Variants in PRRC2A observed in about 807,000 individuals in gnomAD.
PRRC2A encodes proline rich coiled-coil 2A, also known as protein PRRC2A.
PRRC2A carries 59 observed loss-of-function variants against 224.6 expected under a neutral mutation model. The observed-to-expected ratio is 0.26, with a 90% confidence interval of 0.21 to 0.33. PRRC2A has a LOEUF of 0.33. Ranked by LOEUF, PRRC2A falls within the 10% of genes least tolerant of loss-of-function variation. The pLI is 1.00. For missense variants in PRRC2A, 3,095 were observed against 2,880.7 expected (o/e 1.07, Z -1.70); for synonymous variants, 1,194 against 1,109.5 (o/e 1.08, Z -1.51).
In PRRC2A at chr6:31,631,954, A is replaced by T; in HGVS notation, c.3281A>T (p.Tyr1094Phe). 6.2e-7 allele frequency: 1 copy of T among 1,612,784 alleles called. No individual in the cohort carries two copies. The highest frequency in any genetic ancestry group is 8.5e-7 in the Non-Finnish European group (1 of 1,179,890). ...GAGACACGGAGCGAGGGTTCAGAGT[A>T]TGAGGAAATCCCCAAGCGGCGCCGG... The part of the protein sequence containing the change: ...ASETRSEGSE[Y>F]EEIPKRRRQR... The change falls in exon 16 of 31, where the codon TAT becomes TTT. Residue 1094 changes from tyrosine to phenylalanine, a missense_variant. Tyr to Phe is a conservative substitution (Grantham distance 22). Around this residue, in one of 8 missense-constraint regions of PRRC2A, gnomAD observed 2,001 missense variants for 1,764.9 expected, o/e 1.13. Transcript: ENST00000376033. This position sits in a 1 kb window ranked among gnomAD's most constrained non-coding sequence, Gnocchi z 4.5.
intron 16 of PRRC2A, 146 bp from the exon 17 acceptor site, chr6:31,633,233 T>C (rs1776887118): frequency 1.6e-6 from 2 of 1,219,286 alleles, no homozygotes; most frequent in Non-Finnish European, 2.3e-6. Flanking sequence ...TGTGCATCTG[T>C]ATGCATAGGA....
Position 31,625,400 on chromosome 6 carries a change from C to A in PRRC2A, c.608-60C>A. On this transcript the variant is annotated intron_variant, in intron 6 of 30. Transcript: ENST00000376033. This position sits in a 1 kb window ranked among gnomAD's most constrained non-coding sequence, Gnocchi z 4.1. Reference sequence around the variant, plus strand: ...TATTCACCTTCCTCCCCATCACTTTCAGCTGTGTTCACTTGTCCTCCAATC... The same window carrying A: ...TATTCACCTTCCTCCCCATCACTTTAAGCTGTGTTCACTTGTCCTCCAATC... The A allele has an allele frequency of 6.2e-7, 1 of 1,611,424 alleles. No homozygotes were observed. Among genetic ancestry groups the A allele is most frequent in the Non-Finnish European group, 8.5e-7 (1 of 1,177,500 alleles).
chr6:31,625,178 G>A lies in PRRC2A; in HGVS notation c.471G>A (p.Arg157=). The A allele has an allele frequency of 6.2e-7, 1 of 1,612,340 alleles. No individual in the cohort carries two copies. Among genetic ancestry groups the A allele is most frequent in the African/African-American group, 1.3e-5 (1 of 75,032 alleles). Residue 157 remains arginine (R), a synonymous_variant, in exon 6 of 31, where the codon AGG becomes AGA. Coordinates refer to ENST00000376033, the MANE Select transcript of PRRC2A (RefSeq NM_004638.4). This position sits in a 1 kb window ranked among gnomAD's most constrained non-coding sequence, Gnocchi z 4.1. The part of the protein sequence containing the change: ...VTHGAHGDGG[R]ASSLLSRFSR... ...GCATCCCCATCCTAATAGGTGGAAG[G>A]GCATCAAGCCTACTGTCACGATTCT...
chr6:31,621,407 T>C (rs1029497883), intron 1 of PRRC2A, among the ~76,000 whole-genome samples: 5 of 152,228 alleles, frequency 3.3e-5, no homozygotes, highest in Non-Finnish European at 7.3e-5. Context: ...CTTTTTCATT[T>C]TTCCTGTTCC....
rs777393015 is a variant in PRRC2A, at chr6:31,622,803, C to T, written c.14C>T (p.Ser5Leu). The T allele has an allele frequency of 1.4e-5, 23 of 1,613,600 alleles. No homozygotes were observed. Among genetic ancestry groups the T allele is most frequent in the East Asian group, 2.2e-5 (1 of 44,906 alleles). Reference sequence around the variant, plus strand: ...GCTTCCAGCGCAATGTCCGATCGCTCGGGGCCGACTGCCAAGGGAAAGGAT... The same window carrying T: ...GCTTCCAGCGCAATGTCCGATCGCTTGGGGCCGACTGCCAAGGGAAAGGAT... MSDR[S>L]GPTAKGKDGK... Residue 5 changes from serine to leucine, a missense_variant, in exon 2 of 31, where the codon TCG becomes TTG. By Grantham distance (145) the Ser-to-Leu change is moderately radical. Transcript: ENST00000376033.
chr6:31,621,236 C>G (rs1339066464), intron 1 of PRRC2A, among the ~76,000 whole-genome samples: 1 of 151,980 alleles, frequency 6.6e-6, no homozygotes, highest in Admixed American at 6.6e-5. Flanking sequence ...CGACGGTTCT[C>G]TCGGAAGGGC....
Position 31,636,929 on chromosome 6 carries a change from G to C in PRRC2A, c.6131G>C (p.Ser2044Thr). Residue 2044 changes from serine (S) to threonine (T), a missense_variant, in exon 28 of 31, where the codon AGC (serine) becomes ACC (threonine). Ser to Thr is a moderately conservative substitution (Grantham distance 58). Coordinates refer to ENST00000376033, the MANE Select transcript of PRRC2A (RefSeq NM_004638.4). The surrounding 1 kb of genome is among the most constrained non-coding windows in gnomAD (Gnocchi z 4.3). ...LPSPARPFPASLGRAELHPVE... is the reference protein window; with the variant it reads ...LPSPARPFPATLGRAELHPVE... Reference sequence around the variant, plus strand: ...TCACCTGCCAGGCCCTTCCCCGCTAGCTTGGGGCGAGCAGAGGTAAGGTAC... The same window carrying C: ...TCACCTGCCAGGCCCTTCCCCGCTACCTTGGGGCGAGCAGAGGTAAGGTAC... The C allele has an allele frequency of 6.2e-7, 1 of 1,612,970 alleles. No individual in the cohort carries two copies. Among genetic ancestry groups the C allele is most frequent in the Non-Finnish European group, 8.5e-7 (1 of 1,179,958 alleles).
At chr6:31,633,237 C>A in intron 16 of PRRC2A, 142 bp from the exon 17 acceptor site, 1 of 1,250,090 alleles carries the variant, frequency 8.0e-7, no homozygotes, top group Non-Finnish European at 1.1e-6. Context: ...CATCTGTATG[C>A]ATAGGAATCC....
Position 31,623,842 on chromosome 6 carries a change from A to G in PRRC2A, c.223A>G (p.Asn75Asp), listed in dbSNP as rs1393670113. The G allele has an allele frequency of 6.2e-7, 1 of 1,614,202 alleles. No homozygotes were observed. The change falls in exon 3 of 31, where the codon AAT (asparagine) becomes GAT (aspartate). Residue 75 changes from asparagine (N) to aspartate (D), a missense_variant. Transcript: ENST00000376033. ...LKAENKGNDP[N>D]VSLVPKDGTG... ...AGCCGAGAACAAAGGCAATGACCCC[A>G]ATGTCTCACTAGTGCCAAAAGACGG...
At position 31,637,278 on chromosome 6, in the gene PRRC2A, C is replaced by T; in HGVS notation, c.6287C>T (p.Thr2096Ile). The change falls in exon 30 of 31, where the codon ACC becomes ATC. Residue 2096 changes from threonine (T) to isoleucine (I), a missense_variant. Coordinates refer to ENST00000376033, the MANE Select transcript of PRRC2A (RefSeq NM_004638.4). ...TCCCGTCTCAAGGCCACGCCTTCCA[C>T]CTACAGTGGAGTCTTCCGCACCCAG... ...LNSRLKATPSTYSGVFRTQRV... is the reference protein window; with the variant it reads ...LNSRLKATPSIYSGVFRTQRV... 1.9e-6 allele frequency: 3 copies of T among 1,612,734 alleles called. No individual in the cohort carries two copies. The highest frequency in any genetic ancestry group is 2.5e-6 in the Non-Finnish European group (3 of 1,179,696).
rs1175386623 is a variant in PRRC2A at position 31,633,446 on chromosome 6, T to G, written c.4387T>G (p.Phe1463Val). The G allele has an allele frequency of 1.2e-6, 2 of 1,612,968 alleles. No individual in the cohort carries two copies. The highest frequency in any genetic ancestry group is 1.7e-6 in the Non-Finnish European group (2 of 1,180,028). Residue 1463 changes from phenylalanine (F) to valine (V), a missense_variant, in exon 17 of 31, where the codon TTC becomes GTC. Phe to Val is a conservative substitution (Grantham distance 50, BLOSUM62 -1). This residue lies in a region of PRRC2A where 2,001 missense variants were observed against 1,764.9 expected (regional missense o/e 1.13). Transcript: ENST00000376033. ...PPPPPSSSAV[F>V]RLDQVIHSNP... ...CCCACCTCCCAGCAGTTCTGCTGTC[T>G]TCCGCCTGGACCAAGTTATCCACAG...
At position 31,630,697 on chromosome 6, in the gene PRRC2A, A is replaced by C; in HGVS notation, c.2361A>C (p.Pro787=). 1 of 1,614,128 alleles carries C rather than the reference A, an allele frequency of 6.2e-7. No homozygotes were observed. The highest frequency in any genetic ancestry group is 8.5e-7 in the Non-Finnish European group (1 of 1,180,014). ...AACGGGGCACTCCACCGGTGGATCC[A>C]AAGTTGGCCTGGGTAGGAGATGTCT... is the stretch of plus-strand genomic sequence containing the variant. The part of the protein sequence containing the change: ...LRERGTPPVD[P]KLAWVGDVFT... The change falls in exon 15 of 31, where the codon CCA becomes CCC. Residue 787 remains proline, a synonymous_variant. Coordinates refer to ENST00000376033, the MANE Select transcript of PRRC2A (RefSeq NM_004638.4).
At chr6:31,624,871 T>G in intron 5 of PRRC2A, 1 of 513,664 alleles carries the variant, frequency 1.9e-6, no homozygotes, top group Non-Finnish European at 3.5e-6. Context: ...CAATCTCGGC[T>G]CACTGCAACC....
chr6:31,635,883 C>T, intron 24 of PRRC2A, 84 bp from the exon 25 acceptor site: 1 of 1,454,040 alleles, frequency 6.9e-7, no homozygotes, highest in Non-Finnish European at 9.3e-7. Flanking sequence ...TTTCTCCCTA[C>T]TTTTTGCTTC....
Position 31,633,924 on chromosome 6 carries a change from G to A in PRRC2A, c.4654G>A (p.Gly1552Arg), listed in dbSNP as rs773338283. 23 of 1,588,848 alleles carry A rather than the reference G, an allele frequency of 1.4e-5. No homozygotes were observed. Among genetic ancestry groups the A allele is most frequent in the African/African-American group, 5.5e-5 (4 of 73,048 alleles). Residue 1552 changes from glycine to arginine, a missense_variant, in exon 18 of 31, where the codon GGG becomes AGG. Around this residue, in one of 8 missense-constraint regions of PRRC2A, gnomAD observed 2,001 missense variants for 1,764.9 expected, o/e 1.13. Coordinates refer to ENST00000376033, the MANE Select transcript of PRRC2A (RefSeq NM_004638.4). ...GVGGTPRDSA[G>R]VSPFPPKRRE... ...GGGTGGGACTCCTCGGGACTCTGCC[G>A]GGGTTAGTCCCTTTCCCCCTAAACG...
chr6:31,632,294 G>A lies in PRRC2A; in HGVS notation c.3621G>A (p.Glu1207=), dbSNP rs1237838654. 2 of 1,613,146 alleles carry A rather than the reference G, an allele frequency of 1.2e-6. No individual in the cohort carries two copies. Among genetic ancestry groups the A allele is most frequent in the East Asian group, 2.2e-5 (1 of 44,866 alleles). ...CAGGCCCTTTGCCACCAAGTAAGGA[G>A]CCTTTGAAAGAGAAGTTGATCCCAG... ...PPTGPLPPSK[E]PLKEKLIPGP... is the part of the protein sequence containing the mutation. Residue 1207 remains glutamate, a synonymous_variant, in exon 16 of 31, where the codon GAG becomes GAA. Coordinates refer to ENST00000376033, the MANE Select transcript of PRRC2A (RefSeq NM_004638.4).
chr6:31,623,974 G>T, intron 3 of PRRC2A, 65 bp downstream of exon 3: 1 of 1,576,826 alleles, frequency 6.3e-7, no homozygotes, highest in Non-Finnish European at 8.7e-7. Context: ...GGAGCATTGG[G>T]GCTTGGTTTA....
rs1017295053 is a variant in PRRC2A, at chr6:31,631,412, C to T, written c.2739C>T (p.Pro913=). The T allele has an allele frequency of 6.2e-7, 1 of 1,609,766 alleles. No homozygotes were observed. The highest frequency in any genetic ancestry group is 8.5e-7 in the Non-Finnish European group (1 of 1,178,808). The part of the protein sequence containing the change: ...ARGVGSGGQG[P]PPPRRESRTE... ...GAGTCGGGAGTGGAGGCCAGGGCCC[C>T]CCACCACCACGCAGAGAGAGTCGCA... The change falls in exon 16 of 31, where the codon CCC becomes CCT. Residue 913 remains proline, a synonymous_variant. Coordinates refer to ENST00000376033, the MANE Select transcript of PRRC2A (RefSeq NM_004638.4). This position sits in a 1 kb window ranked among gnomAD's most constrained non-coding sequence, Gnocchi z 4.5.
chr6:31,628,624 A>G (rs977143888), intron 12 of PRRC2A: 1 of 267,572 alleles, frequency 3.7e-6, no homozygotes, highest in African/African-American at 2.2e-5. Context: ...CGGGCAGAAC[A>G]TGAGGTCAGG....
Sources: gnomAD v4.1 joint callset for allele counts (sites outside exome capture counted in the v4.1 genomes callset) on GRCh38, gnomAD v4.1.1 for gene constraint, gnomAD v4.1.1 regional missense constraint, Gnocchi (gnomAD v3.1) non-coding constraint, MANE v1.5 for transcripts, NCBI Gene and HGNC (gene_info 2026-07-23, HGNC 2026-07-21) for gene names.